The following PLXDC2 variants were observed in gnomAD, a reference collection of about 807,000 sequenced individuals.
PLXDC2 encodes plexin domain containing 2.
PLXDC2 carries 40 observed loss-of-function variants against 68.9 expected under a neutral mutation model. The observed-to-expected ratio is 0.58, with a 90% CI of 0.45 to 0.76. The LOEUF (loss-of-function observed/expected upper bound fraction) is 0.76, where lower values mean the gene tolerates loss of function less well. Among genes scored for constraint, PLXDC2 ranks in the 30% least tolerant of loss-of-function variants. PLXDC2 has a pLI of 0.00. For synonymous variants in PLXDC2, 243 were observed against 234.2 expected (o/e 1.04, Z -0.34); for missense variants, 644 against 661.9 (o/e 0.97, Z 0.30).
rs564003666 is a variant in PLXDC2 at position 19,837,735 on chromosome 10, C to A, written c.112+20544C>A. ...TAAATGTGCATCAGTCTGCAGTGAT[C>A]GTTCAGTTTGTAACTGAACTTGTTA... is the stretch of plus-strand genomic sequence containing the variant. On this transcript the variant is annotated intron_variant, in intron 1 of 13. Coordinates refer to ENST00000377252, the MANE Select transcript of PLXDC2 (RefSeq NM_032812.9). Among the ~76,000 whole-genome samples the A allele has an allele frequency of 5.3e-5, 8 of 152,210 alleles. No homozygotes were observed. The East Asian group carries it at 1.2e-3, about 22-fold the overall frequency.
intron 9 of PLXDC2, among the ~76,000 whole-genome samples, chr10:20,190,339 T>G (rs1834747684): frequency 6.6e-6 from 1 of 151,888 alleles, no homozygotes; most frequent in Admixed American, 6.6e-5. Context: ...TAAAAGTTAA[T>G]TGTCCAAAAA....
intron 4 of PLXDC2, among the ~76,000 whole-genome samples, chr10:20,103,653 T>C (rs1232149286): frequency 6.6e-6 from 1 of 150,938 alleles, no homozygotes; most frequent in East Asian, 1.9e-4. Flanking sequence ...TTTTTCTTTT[T>C]TTTTTTTTGA....
At chr10:19,915,401 T>A (rs1007377662) in intron 1 of PLXDC2, among the ~76,000 whole-genome samples, 11 of 152,198 alleles carry the variant, frequency 7.2e-5, no homozygotes, top group Admixed American at 5.9e-4. Context: ...TTACTGTCAT[T>A]TAAGATGTTT....
chr10:19,932,111 A>T (rs1050553327), intron 1 of PLXDC2, among the ~76,000 whole-genome samples: 3 of 152,176 alleles, frequency 2.0e-5, no homozygotes, highest in Non-Finnish European at 4.4e-5. Flanking sequence ...TCCTAGGTCA[A>T]CATCCCTTCC....
chr10:20,102,206 T>A (rs1001354909), intron 4 of PLXDC2, among the ~76,000 whole-genome samples: 6 of 152,262 alleles, frequency 3.9e-5, no homozygotes, highest in African/African-American at 1.4e-4. Context: ...TCAGAAGTTT[T>A]CTGTCTGCTG....
intron 7 of PLXDC2, 50 bp downstream of exon 7, chr10:20,164,617 T>G: frequency 7.1e-7 from 1 of 1,413,776 alleles, no homozygotes; most frequent in Non-Finnish European, 1.0e-6. Flanking sequence ...TGGGGGTAAA[T>G]TTAAAGGAGA....
At chr10:19,876,707 A>T (rs1018930441) in intron 1 of PLXDC2, among the ~76,000 whole-genome samples, 1 of 151,702 alleles carries the variant, frequency 6.6e-6, no homozygotes, top group East Asian at 1.9e-4. Context: ...GTCTAGTGAT[A>T]GGAACTCTGT....
chr10:20,108,478 C>T (rs748059142), intron 4 of PLXDC2, among the ~76,000 whole-genome samples: 9 of 152,154 alleles, frequency 5.9e-5, no homozygotes, highest in Admixed American at 2.6e-4. Flanking sequence ...CTACCCTTTT[C>T]GCAATATCAT....
chr10:20,082,879 G>A (rs1010159584), intron 4 of PLXDC2, among the ~76,000 whole-genome samples: 1 of 152,044 alleles, frequency 6.6e-6, no homozygotes, highest in African/African-American at 2.4e-5. Flanking sequence ...GATATTTAAT[G>A]TATGCCTATT....
chr10:19,890,275 T>C (rs1275399127), intron 1 of PLXDC2, among the ~76,000 whole-genome samples: 3 of 152,110 alleles, frequency 2.0e-5, no homozygotes, highest in Non-Finnish European at 4.4e-5. Flanking sequence ...ATTCAGTGGG[T>C]ATATGTGCAG....
At chr10:19,883,202 T>G (rs912812326) in intron 1 of PLXDC2, among the ~76,000 whole-genome samples, 3 of 152,110 alleles carry the variant, frequency 2.0e-5, no homozygotes, top group Admixed American at 6.5e-5. Context: ...GACCTCATGA[T>G]CCGCCCGCCT....
At chr10:20,176,390 A>ATGTG (rs66825907) in intron 7 of PLXDC2, among the ~76,000 whole-genome samples, 3,264 of 149,280 alleles carry the variant, frequency 0.022, 45 homozygotes, top group African/African-American at 0.037. Flanking sequence ...TCGCACAGTT[A>ATGTG]TGTGTGTGTG....
chr10:19,844,138 C>T (rs967007025), intron 1 of PLXDC2, among the ~76,000 whole-genome samples: 2 of 152,040 alleles, frequency 1.3e-5, no homozygotes, highest in African/African-American at 2.4e-5. Context: ...CTGTAGTGAG[C>T]GGTGTTCTCA....
chr10:19,960,914 A>AGGCTTAAGT (rs1428776250), intron 1 of PLXDC2, among the ~76,000 whole-genome samples: 2 of 152,344 alleles, frequency 1.3e-5, no homozygotes, highest in Admixed American at 6.5e-5. Context: ...AAATCAATGG[A>AGGCTTAAGT]GGCTTAAGTG....
intron 1 of PLXDC2, among the ~76,000 whole-genome samples, chr10:19,985,801 A>G (rs1475448585): frequency 6.6e-6 from 1 of 152,270 alleles, no homozygotes; most frequent in East Asian, 1.9e-4. Flanking sequence ...TGTTGGATCA[A>G]GCCTTTTCTT....
chr10:19,823,568 A>C (rs938079302), intron 1 of PLXDC2, among the ~76,000 whole-genome samples: 1 of 151,986 alleles, frequency 6.6e-6, no homozygotes, highest in African/African-American at 2.4e-5. Context: ...CTGTAGTCCC[A>C]GCTACTCAGG....
At chr10:20,007,402 T>C (rs574829516) in intron 2 of PLXDC2, among the ~76,000 whole-genome samples, 3 of 152,348 alleles carry the variant, frequency 2.0e-5, no homozygotes, top group African/African-American at 7.2e-5. Context: ...CTTTGTGACA[T>C]GCTAGACCAG....
chr10:20,165,252 G>A (rs957962358), intron 7 of PLXDC2, among the ~76,000 whole-genome samples: 9 of 152,102 alleles, frequency 5.9e-5, no homozygotes, highest in Admixed American at 1.3e-4. Flanking sequence ...GAGCAAAACC[G>A]CAGCTTTGTG....
At chr10:20,260,497 G>T (rs1464955583) in intron 13 of PLXDC2, among the ~76,000 whole-genome samples, 4 of 152,162 alleles carry the variant, frequency 2.6e-5, no homozygotes, top group Non-Finnish European at 5.9e-5. Context: ...TGTTCTCCAG[G>T]TTCATCTACG....
Sources: allele counts gnomAD v4.1 joint callset (sites outside exome capture counted in the v4.1 genomes callset), GRCh38; gene constraint gnomAD v4.1.1; transcripts MANE v1.5; gene names NCBI Gene and HGNC (gene_info 2026-07-23, HGNC 2026-07-21).